Variants in FRMD6 observed in about 807,000 individuals in gnomAD.
FRMD6 encodes the protein FERM domain-containing protein 6.
Under a neutral mutation model 73.2 loss-of-function variants are expected in FRMD6, and 37 were observed. That is an observed-to-expected ratio of 0.51 (90% CI 0.39 to 0.66). The LOEUF is 0.66. Ranked by LOEUF, FRMD6 falls within the 30% of genes least tolerant of loss-of-function variation. FRMD6 has a pLI of 0.00. For missense variants in FRMD6, 714 were observed against 780.5 expected, an observed-to-expected ratio of 0.91 and a Z score of 1.02; for synonymous variants, 273 against 282.2, an observed-to-expected ratio of 0.97 and a Z score of 0.33.
chr14:51,633,238 G>T (rs886338829), intron 2 of FRMD6, among the ~76,000 whole-genome samples: 2 of 151,498 alleles, frequency 1.3e-5, no homozygotes, highest in Non-Finnish European at 2.9e-5. Context: ...AAACTCTCTG[G>T]AGATTAAGCC....
At chr14:51,682,428 T>G (rs1172178121) in intron 1 of FRMD6, among the ~76,000 whole-genome samples, 2 of 152,102 alleles carry the variant, frequency 1.3e-5, no homozygotes, top group African/African-American at 4.8e-5. Flanking sequence ...AACAGTGAAT[T>G]AATGAATGAA....
At chr14:51,640,876 C>G (rs1323178030) in intron 2 of FRMD6, among the ~76,000 whole-genome samples, 1 of 152,074 alleles carries the variant, frequency 6.6e-6, no homozygotes, top group Non-Finnish European at 1.5e-5. Flanking sequence ...TAAAATTTAG[C>G]AAATTATTTA....
At chr14:51,639,816 AAT>A (rs955693404) in intron 2 of FRMD6, among the ~76,000 whole-genome samples, 3 of 152,192 alleles carry the variant, frequency 2.0e-5, no homozygotes, top group African/African-American at 7.2e-5. Flanking sequence ...ATATATGTAA[AAT>A]ATAGAGATAT....
intron 2 of FRMD6, among the ~76,000 whole-genome samples, chr14:51,573,024 C>A (rs1254710142): frequency 6.6e-6 from 1 of 152,216 alleles, no homozygotes; most frequent in South Asian, 2.1e-4. Context: ...CCCCCACACA[C>A]AAAAATCATC....
chr14:51,464,371 G>A, the FRMD6 span, among the ~76,000 whole-genome samples: 1 of 150,506 alleles, frequency 6.6e-6, no homozygotes, highest in Non-Finnish European at 1.5e-5. Context: ...TCCTGCACAG[G>A]TACCCCTGAA....
chr14:51,403,191 A>G, the FRMD6 span, among the ~76,000 whole-genome samples: 1 of 152,228 alleles, frequency 6.6e-6, no homozygotes, highest in African/African-American at 2.4e-5. Flanking sequence ...TAAGAAAAAT[A>G]GTTCATCCTT....
At chr14:51,452,173 T>G in the FRMD6 span, among the ~76,000 whole-genome samples, 7 of 152,210 alleles carry the variant, frequency 4.6e-5, no homozygotes, top group Admixed American at 3.9e-4. Flanking sequence ...GAGCGAGGGT[T>G]GGAAAGAAAA....
chr14:51,625,142 G>A (rs1891069118), intron 2 of FRMD6, among the ~76,000 whole-genome samples: 2 of 152,174 alleles, frequency 1.3e-5, no homozygotes. Context: ...GAGCCAGAAG[G>A]GAGTGAAACA....
intron 2 of FRMD6, among the ~76,000 whole-genome samples, chr14:51,572,836 G>A (rs1888202630): frequency 1.3e-5 from 2 of 152,286 alleles, no homozygotes; most frequent in Middle Eastern, 6.8e-3. Flanking sequence ...TAAGCTTAAT[G>A]TTGTCTCCTC....
intron 1 of FRMD6, among the ~76,000 whole-genome samples, chr14:51,536,893 T>C (rs1177736042): frequency 2.0e-5 from 3 of 152,160 alleles, no homozygotes; most frequent in Non-Finnish European, 4.4e-5. Context: ...AAAAAGCAGC[T>C]TTAGGTTCAC....
At chr14:51,661,410 T>C (rs758938983) in intron 1 of FRMD6, among the ~76,000 whole-genome samples, 10 of 151,990 alleles carry the variant, frequency 6.6e-5, no homozygotes, top group African/African-American at 1.2e-4. Flanking sequence ...AACAATGTTA[T>C]CACTAGAAGA....
chr14:51,543,095 A>C lies in FRMD6; in HGVS notation c.-209-27253A>C, dbSNP rs541315465. On this transcript the variant is annotated intron_variant, in intron 1 of 14. Coordinates refer to the FRMD6 transcript ENST00000356218. ...GAACAAAAGTTTTTACTTTTGACAA[A>C]GTCTAATTTATCTGTTTTTTATTGC... Among the ~76,000 whole-genome samples, 15 of 152,086 alleles carry C rather than the reference A, an allele frequency of 9.9e-5. No homozygotes were observed. In the East Asian group the frequency reaches 2.9e-3, roughly 29 times the overall value.
At chr14:51,525,335 C>G (rs1249023921) in intron 1 of FRMD6, among the ~76,000 whole-genome samples, 1 of 151,960 alleles carries the variant, frequency 6.6e-6, no homozygotes, top group Non-Finnish European at 1.5e-5. Context: ...GTAGCGAGGT[C>G]TCTGCTCACT....
At chr14:51,702,144 G>T (rs1029354898) in intron 4 of FRMD6, among the ~76,000 whole-genome samples, 1 of 152,038 alleles carries the variant, frequency 6.6e-6, no homozygotes, top group Admixed American at 6.6e-5. Flanking sequence ...AGGAACAAGA[G>T]AACATTTGTA....
intron 2 of FRMD6, chr14:51,637,840 A>G (rs1891641904): frequency 6.6e-6 from 1 of 152,246 alleles, no homozygotes; most frequent in African/African-American, 2.4e-5. Context: ...CATAAATCCA[A>G]CTAAATCAGT....
intron 1 of FRMD6, among the ~76,000 whole-genome samples, chr14:51,566,423 T>G (rs1388469232): frequency 6.6e-6 from 1 of 152,218 alleles, no homozygotes; most frequent in South Asian, 2.1e-4. Flanking sequence ...TTTGACCATA[T>G]TTTAAATATA....
chr14:51,578,441 C>T (rs373648596), intron 2 of FRMD6, among the ~76,000 whole-genome samples: 2 of 152,144 alleles, frequency 1.3e-5, no homozygotes, highest in African/African-American at 4.8e-5. Context: ...CAAAAGAGGT[C>T]GGAGGCATTT....
intron 1 of FRMD6, among the ~76,000 whole-genome samples, chr14:51,676,313 A>G (rs1020833928): frequency 6.6e-6 from 1 of 152,202 alleles, no homozygotes; most frequent in African/African-American, 2.4e-5. Context: ...AGTTAGGAAT[A>G]GATAGAAACT....
At position 51,557,707 on chromosome 14, in the gene FRMD6, A is replaced by G. The variant is rs189279480; in HGVS notation, c.-209-12641A>G. Reference sequence around the variant, plus strand: ...AAAATAAATATGTGAGGTAATAGATATATTAATTAGTTTGATTTAGCCATT... The same window carrying G: ...AAAATAAATATGTGAGGTAATAGATGTATTAATTAGTTTGATTTAGCCATT... On this transcript the variant is annotated intron_variant, in intron 1 of 14. Coordinates refer to the FRMD6 transcript ENST00000356218. Among the ~76,000 whole-genome samples the G allele has an allele frequency of 2.0e-5, 3 of 152,300 alleles. No homozygotes were observed. The East Asian group carries it at 5.8e-4, about 29-fold the overall frequency.
Sources: allele counts gnomAD v4.1 joint callset (sites outside exome capture counted in the v4.1 genomes callset), GRCh38; gene constraint gnomAD v4.1.1; transcripts MANE v1.5; gene names NCBI Gene and HGNC (gene_info 2026-07-23, HGNC 2026-07-21).